Variants in NAALADL2 observed in about 807,000 individuals in gnomAD.
The protein encoded by NAALADL2 is inactive N-acetylated-alpha-linked acidic dipeptidase-like protein 2.
In NAALADL2, 76 loss-of-function variants were observed where a neutral mutation model predicts 87.2. The ratio of observed to expected loss-of-function variants is 0.87; its 90% CI spans 0.72 to 1.05. The LOEUF is 1.05. NAALADL2 is among the 50% of genes least tolerant of loss of function. The pLI, the probability that NAALADL2 is intolerant of heterozygous loss-of-function variation, is 0.00. For synonymous variants in NAALADL2, 354 were observed against 331.0 expected, an observed-to-expected ratio of 1.07 and a Z score of -0.75; for missense variants, 1,089 against 945.8, an observed-to-expected ratio of 1.15 and a Z score of -1.99.
chr3:174,481,279 T>C (rs1717529897), intron 1 of NAALADL2, among the ~76,000 whole-genome samples: 1 of 152,006 alleles, frequency 6.6e-6, no homozygotes, highest in Admixed American at 6.6e-5. Context: ...GGATAGGTAA[T>C]GTGAAGCCGC....
intron 1 of NAALADL2, among the ~76,000 whole-genome samples, chr3:174,476,837 C>A (rs1717245758): frequency 6.6e-6 from 1 of 151,882 alleles, no homozygotes; most frequent in African/African-American, 2.4e-5. Context: ...GGCACTATAT[C>A]CAATTGAACT....
chr3:174,633,284 T>G (rs1290228020), intron 2 of NAALADL2, among the ~76,000 whole-genome samples: 1 of 152,210 alleles, frequency 6.6e-6, no homozygotes, highest in Non-Finnish European at 1.5e-5. Context: ...CCTTAAAAAT[T>G]GAATCAAAAC....
intron 11 of NAALADL2, among the ~76,000 whole-genome samples, chr3:175,698,351 T>A (rs188886265): frequency 2.2e-4 from 16 of 74,098 alleles, no homozygotes; most frequent in Admixed American, 3.7e-4. Context: ...GTATGTGTAT[T>A]TATGTATGTG....
chr3:174,928,593 A>C (rs1396474102), intron 1 of NAALADL2, among the ~76,000 whole-genome samples: 1 of 152,250 alleles, frequency 6.6e-6, no homozygotes, highest in African/African-American at 2.4e-5. Flanking sequence ...TGACTTCTTT[A>C]CAAGTGATAT....
chr3:174,783,761 G>A (rs1716278251), intron 3 of NAALADL2, among the ~76,000 whole-genome samples: 1 of 152,078 alleles, frequency 6.6e-6, no homozygotes, highest in South Asian at 2.1e-4. Flanking sequence ...TGGCTAGAGG[G>A]TTCAGGTGGA....
intron 7 of NAALADL2, 85 bp from the exon 8 acceptor site, chr3:175,466,894 G>A: frequency 8.6e-7 from 1 of 1,159,376 alleles, no homozygotes; most frequent in Non-Finnish European, 1.3e-6. Flanking sequence ...TTGCTCAGTT[G>A]TGCAATAGAA....
chr3:175,196,364 GCACTTT>G (rs1388984336), intron 2 of NAALADL2, among the ~76,000 whole-genome samples: 2 of 151,766 alleles, frequency 1.3e-5, no homozygotes, highest in African/African-American at 4.8e-5. Flanking sequence ...TCCATATGGG[GCACTTT>G]CATCCACATT....
chr3:174,903,406 T>C (rs1401076449), intron 1 of NAALADL2, among the ~76,000 whole-genome samples: 1 of 152,064 alleles, frequency 6.6e-6, no homozygotes, highest in East Asian at 1.9e-4. Context: ...TAGCTTACTC[T>C]GCCCTTATAA....
At chr3:174,475,336 A>G (rs1239828932) in intron 1 of NAALADL2, among the ~76,000 whole-genome samples, 1 of 152,014 alleles carries the variant, frequency 6.6e-6, no homozygotes, top group Admixed American at 6.6e-5. Context: ...AACAAAATGG[A>G]CAATACTGAT....
At chr3:174,717,012 G>A (rs900505704) in intron 2 of NAALADL2, among the ~76,000 whole-genome samples, 3 of 152,020 alleles carry the variant, frequency 2.0e-5, no homozygotes, top group Non-Finnish European at 4.4e-5. Flanking sequence ...CAAAGACCTT[G>A]TTTTGTATAG....
At chr3:175,682,447 T>C (rs1735721025) in intron 11 of NAALADL2, among the ~76,000 whole-genome samples, 1 of 151,996 alleles carries the variant, frequency 6.6e-6, no homozygotes, top group African/African-American at 2.4e-5. Context: ...AGGTTAGCAC[T>C]GAGGAATAAT....
At position 175,792,038 on chromosome 3, in the gene NAALADL2, T is replaced by A. The variant is rs140183246; in HGVS notation, c.2190-10967T>A. Among the ~76,000 whole-genome samples the A allele has an allele frequency of 8.5e-5, 13 of 152,262 alleles. No homozygotes were observed. The East Asian group carries it at 2.5e-3, about 29-fold the overall frequency. ...CTTGCATTTAAAAAAAAATAAATGG[T>A]ACTTTGAAATGAGATGATTTTACTT... On this transcript the variant is annotated intron_variant, in intron 13 of 13. Coordinates refer to ENST00000454872, the MANE Select transcript of NAALADL2 (RefSeq NM_207015.3).
intron 2 of NAALADL2, among the ~76,000 whole-genome samples, chr3:174,648,318 T>C (rs1386621345): frequency 3.3e-5 from 5 of 150,660 alleles, no homozygotes; most frequent in African/African-American, 7.3e-5. Context: ...AGTGAAACTC[T>C]GCCTCAACAA....
intron 6 of NAALADL2, among the ~76,000 whole-genome samples, chr3:175,451,284 G>A (rs1256115931): frequency 6.6e-6 from 1 of 151,928 alleles, no homozygotes; most frequent in Non-Finnish European, 1.5e-5. Flanking sequence ...GATAGGCTCA[G>A]CAAATTGAAG....
rs180959025 is a variant in NAALADL2 at position 175,710,472 on chromosome 3, T to C, written c.1897-26834T>C. 8.6e-5 allele frequency among the ~76,000 whole-genome samples: 13 copies of C among 151,984 alleles called. No individual in the cohort carries two copies. The East Asian group carries it at 2.3e-3, about 27-fold the overall frequency. On this transcript the variant is annotated intron_variant, in intron 11 of 13. Transcript: ENST00000454872. ...TTTAATCTACTTATTTCTAAAATAA[T>C]GAAGTTTCTACAAGTGTCTAGGAAC...
intron 1 of NAALADL2, among the ~76,000 whole-genome samples, chr3:174,976,493 T>A (rs1744380350): frequency 6.6e-6 from 1 of 152,226 alleles, no homozygotes; most frequent in Non-Finnish European, 1.5e-5. Context: ...CTTGATTCAG[T>A]GACTGAAGTA....
At chr3:174,562,458 A>T (rs142113094) in intron 2 of NAALADL2, among the ~76,000 whole-genome samples, 23 of 152,212 alleles carry the variant, frequency 1.5e-4, no homozygotes, top group African/African-American at 2.2e-4. Flanking sequence ...AATAAGAAAA[A>T]TTTTTTTGTG....
At position 174,563,566 on chromosome 3, in the gene NAALADL2, T is replaced by C. The variant is rs543522085; in HGVS notation, c.-115+12929T>C. ...TTTAAACTTACAATGTCATTCTAGATACTAAGTTAATGATGTTTTACAAGT... is the reference window on the plus strand; with the variant it reads ...TTTAAACTTACAATGTCATTCTAGACACTAAGTTAATGATGTTTTACAAGT... On this transcript the variant is annotated intron_variant, in intron 2 of 3. Transcript: ENST00000434257. Among the ~76,000 whole-genome samples, 129 of 151,964 alleles carry C rather than the reference T, an allele frequency of 8.5e-4. 2 individuals are homozygous for C. The Middle Eastern group carries it at 0.032, about 38-fold the overall frequency.
At chr3:174,613,218 AG>A (rs1720108429) in intron 2 of NAALADL2, among the ~76,000 whole-genome samples, 1 of 152,256 alleles carries the variant, frequency 6.6e-6, no homozygotes, top group South Asian at 2.1e-4. Context: ...CACCATCACC[AG>A]GACTGTGCTG....
Sources: allele counts gnomAD v4.1 joint callset (sites outside exome capture counted in the v4.1 genomes callset), GRCh38; gene constraint gnomAD v4.1.1; transcripts MANE v1.5; gene names NCBI Gene and HGNC (gene_info 2026-07-23, HGNC 2026-07-21).